The following GPCPD1 variants were observed in gnomAD, a reference collection of about 807,000 sequenced individuals.
GPCPD1 encodes the protein glycerophosphocholine phosphodiesterase GPCPD1.
A neutral mutation model predicts 89.2 loss-of-function variants in GPCPD1; 29 were observed. The ratio of observed to expected loss-of-function variants is 0.33; its 90% CI spans 0.24 to 0.44. GPCPD1 has a LOEUF of 0.44. Ranked by LOEUF, GPCPD1 falls within the 20% of genes least tolerant of loss-of-function variation. The pLI, the probability that GPCPD1 is intolerant of heterozygous loss-of-function variation, is 1.00. For synonymous variants in GPCPD1, 258 were observed against 266.3 expected (o/e 0.97, Z 0.30); for missense variants, 594 against 808.9 (o/e 0.73, Z 3.22).
At chr20:5,599,710 A>C (rs1218421546) in intron 2 of GPCPD1, among the ~76,000 whole-genome samples, 1 of 151,750 alleles carries the variant, frequency 6.6e-6, no homozygotes, top group Non-Finnish European at 1.5e-5. Context: ...GCGCACCATC[A>C]CAACCGGCTA....
chr20:5,545,285 C>T lies in GPCPD1; in HGVS notation c.*2376G>A, dbSNP rs774860427. 1 of 152,112 alleles carries T rather than the reference C, an allele frequency of 6.6e-6. No homozygotes were observed. The highest frequency in any genetic ancestry group is 1.5e-5 in the Non-Finnish European group (1 of 68,026). The allele number at this position is 152,112 out of a possible 1,614,324, so 9.4% of individuals were successfully genotyped here. A position where few individuals can be genotyped will look rare whatever the true frequency, so the allele number is the denominator to read the frequency against. ...TCCAACATTCATTTTCCACCATGTTCCAAGCACTGTGAAAATAAAAATGAC... is the reference window on the plus strand; with the variant it reads ...TCCAACATTCATTTTCCACCATGTTTCAAGCACTGTGAAAATAAAAATGAC... On this transcript the variant is annotated 3_prime_UTR_variant, in exon 20 of 20. Transcript: ENST00000379019.
intron 3 of GPCPD1, among the ~76,000 whole-genome samples, chr20:5,594,125 T>A (rs1303868179): frequency 1.3e-5 from 2 of 152,150 alleles, no homozygotes; most frequent in Non-Finnish European, 2.9e-5. Flanking sequence ...TGTAACTGAG[T>A]TTTAGCTTCA....
Position 5,578,422 on chromosome 20 carries a change from C to T in GPCPD1, c.663G>A (p.Thr221=), listed in dbSNP as rs774526757. ...PDRWTEYSIQ[T]MEPDNLELIF... is the part of the protein sequence containing the mutation. The stretch of plus-strand genomic sequence containing the variant: ...TTAGTTCCAGGTTATCTGGTTCCAT[C>T]GTCTGTATGCTGTACTCTGTCCAAC... Residue 221 remains threonine, a synonymous_variant, in exon 8 of 20, where the codon ACG becomes ACA. Coordinates refer to ENST00000379019, the MANE Select transcript of GPCPD1 (RefSeq NM_019593.5). The T allele has an allele frequency of 2.2e-5, 35 of 1,613,620 alleles. No individual in the cohort carries two copies. The Middle Eastern group carries it at 1.2e-3, about 53-fold the overall frequency.
At chr20:5,607,286 CAAAAG>C (rs1008243945) in intron 1 of GPCPD1, among the ~76,000 whole-genome samples, 19 of 151,402 alleles carry the variant, frequency 1.3e-4, no homozygotes, top group African/African-American at 4.6e-4. Context: ...GACTCTATCT[CAAAAG>C]AAAAGAAAGA....
intron 2 of GPCPD1, among the ~76,000 whole-genome samples, 155 bp from the exon 3 acceptor site, chr20:5,598,976 A>G (rs1426675149): frequency 6.6e-6 from 1 of 152,142 alleles, no homozygotes; most frequent in Non-Finnish European, 1.5e-5. Context: ...GGTACCTACC[A>G]CTCACTAACA....
At position 5,597,647 on chromosome 20, in the gene GPCPD1, A is replaced by G. The variant is rs373414830; in HGVS notation, c.146+1078T>C. ...ACTTGTATGCTATTTAGGAAAACCT[A>G]TAACACTTCCAACTATCCACAGTGG... On this transcript the variant is annotated intron_variant, in intron 3 of 19. Coordinates refer to ENST00000379019, the MANE Select transcript of GPCPD1 (RefSeq NM_019593.5). 4.9e-4 allele frequency among the ~76,000 whole-genome samples: 74 copies of G among 152,350 alleles called. 1 individual carries two copies. In the South Asian group the frequency reaches 0.013, roughly 26 times the overall value.
chr20:5,549,236 T>A lies in GPCPD1; in HGVS notation c.1830-1386A>T, dbSNP rs1220298237. The A allele has an allele frequency of 3.9e-6, 3 of 760,786 alleles. No individual in the cohort carries two copies. In the African/African-American group the frequency reaches 5.1e-5, roughly 13 times the overall value. 47.1% of individuals were successfully genotyped at this position (760,786 alleles called of 1,614,324 possible). ...ACTTTTGGCTAGAGACTCTACTGTGTCTTATTGGAGAATCTTTTGATGACT... is the reference window on the plus strand; with the variant it reads ...ACTTTTGGCTAGAGACTCTACTGTGACTTATTGGAGAATCTTTTGATGACT... On this transcript the variant is annotated intron_variant, in intron 19 of 19. Transcript: ENST00000379019.
intron 1 of GPCPD1, among the ~76,000 whole-genome samples, chr20:5,609,598 G>C (rs1299386699): frequency 6.6e-6 from 1 of 151,918 alleles, no homozygotes; most frequent in Admixed American, 6.6e-5. Flanking sequence ...GTAAAGATTC[G>C]ATTCATCAAC....
Position 5,567,565 on chromosome 20 carries a change from A to G in GPCPD1, c.1150-5T>C. On this transcript the variant is annotated splice_region_variant and splice_polypyrimidine_tract_variant and intron_variant, in intron 12 of 19. Coordinates refer to ENST00000379019, the MANE Select transcript of GPCPD1 (RefSeq NM_019593.5). ...AACTGGATCAGCATCAAATTTCTAAAAAAAAAAAAAAAAGAAAGAAAGAAA... is the reference window on the plus strand; with the variant it reads ...AACTGGATCAGCATCAAATTTCTAAGAAAAAAAAAAAAAGAAAGAAAGAAA... The G allele has an allele frequency of 2.4e-6, 2 of 828,358 alleles. No homozygotes were observed. Among genetic ancestry groups the G allele is most frequent in the Non-Finnish European group, 3.2e-6 (2 of 626,630 alleles). The allele number at this position is 828,358 out of a possible 1,614,324, so 51.3% of individuals were successfully genotyped here.
chr20:5,551,505 A>G lies in GPCPD1; in HGVS notation c.1830-3655T>C, dbSNP rs556366653. Among the ~76,000 whole-genome samples, 11 of 152,352 alleles carry G rather than the reference A, an allele frequency of 7.2e-5. No individual in the cohort carries two copies. In the South Asian group the frequency reaches 8.3e-4, roughly 11 times the overall value. On this transcript the variant is annotated intron_variant, in intron 19 of 19. Coordinates refer to ENST00000379019, the MANE Select transcript of GPCPD1 (RefSeq NM_019593.5). ...CCTAAATAGCAGTCTAAGTTGTGGT[A>G]AAGACAACAATGGAATATTAACAAG... is the stretch of plus-strand genomic sequence containing the variant.
intron 17 of GPCPD1, 93 bp downstream of exon 17, chr20:5,559,847 G>C: frequency 3.2e-6 from 2 of 627,424 alleles, no homozygotes; most frequent in South Asian, 2.5e-5. Flanking sequence ...CAGATCATGG[G>C]GGAAAGCTGG....
rs1985091566 is a variant in GPCPD1 at position 5,547,504 on chromosome 20, C to T, written c.*157G>A. ...ATACCTGGCCAAGTAATTTAAATAG[C>T]ATACTTGCAAGAACTGTAGTGAAAG... is the stretch of plus-strand genomic sequence containing the variant. On this transcript the variant is annotated 3_prime_UTR_variant, in exon 20 of 20. Coordinates refer to ENST00000379019, the MANE Select transcript of GPCPD1 (RefSeq NM_019593.5). 2.4e-6 allele frequency: 1 copy of T among 422,714 alleles called. No individual in the cohort carries two copies. Among genetic ancestry groups the T allele is most frequent in the Non-Finnish European group, 4.3e-6 (1 of 234,098 alleles). 26.2% of individuals were successfully genotyped at this position (422,714 alleles called of 1,614,324 possible).
At chr20:5,609,261 A>T (rs1172593782) in intron 1 of GPCPD1, among the ~76,000 whole-genome samples, 1 of 152,200 alleles carries the variant, frequency 6.6e-6, no homozygotes, top group Admixed American at 6.5e-5. Context: ...TAAATAAAGT[A>T]ATATATAAAA....
chr20:5,582,896 A>G (rs1403582343), intron 6 of GPCPD1, among the ~76,000 whole-genome samples: 1 of 151,582 alleles, frequency 6.6e-6, no homozygotes, highest in Non-Finnish European at 1.5e-5. Context: ...CTCAAAAGAA[A>G]AAAAAAAAAA....
chr20:5,572,036 T>C (rs1446711281), intron 11 of GPCPD1, among the ~76,000 whole-genome samples: 1 of 151,964 alleles, frequency 6.6e-6, no homozygotes, highest in Non-Finnish European at 1.5e-5. Flanking sequence ...CTGAGCAACA[T>C]AGTGAGATCC....
chr20:5,573,276 G>A (rs1408661664), intron 11 of GPCPD1, among the ~76,000 whole-genome samples: 3 of 152,032 alleles, frequency 2.0e-5, no homozygotes, highest in African/African-American at 4.8e-5. Flanking sequence ...AGTACAGGCT[G>A]GGTTTCACCA....
intron 12 of GPCPD1, among the ~76,000 whole-genome samples, chr20:5,569,121 TC>T (rs1273055199): frequency 6.7e-6 from 1 of 150,370 alleles, no homozygotes; most frequent in Non-Finnish European, 1.5e-5. Flanking sequence ...TCCCCTTCCT[TC>T]CTTTCTTCCT....
rs1478811686 is a variant in GPCPD1, at chr20:5,545,789, C to T, written c.*1872G>A. On this transcript the variant is annotated 3_prime_UTR_variant, in exon 20 of 20. Transcript: ENST00000379019. ...CTGTATTGTAGGCAGTGACTGTCTG[C>T]TCTCCCCAGCAACTAAACTGCTCAG... The T allele has an allele frequency of 1.3e-5, 2 of 152,226 alleles. No homozygotes were observed. Among genetic ancestry groups the T allele is most frequent in the Non-Finnish European group, 2.9e-5 (2 of 68,090 alleles). The allele number at this position is 152,226 out of a possible 1,614,324, so 9.4% of individuals were successfully genotyped here. A position where few individuals can be genotyped will look rare whatever the true frequency, so the allele number is the denominator to read the frequency against.
chr20:5,563,014 G>A (rs1158435449), intron 15 of GPCPD1, among the ~76,000 whole-genome samples: 6 of 148,460 alleles, frequency 4.0e-5, no homozygotes, highest in Admixed American at 6.7e-5. Flanking sequence ...ACGGAGTCTC[G>A]CTCTGTCATC....
Sources: gnomAD v4.1 joint callset for allele counts (sites outside exome capture counted in the v4.1 genomes callset) on GRCh38, gnomAD v4.1.1 for gene constraint, MANE v1.5 for transcripts, NCBI Gene and HGNC (gene_info 2026-07-23, HGNC 2026-07-21) for gene names.